Variants in INTS12 observed in about 807,000 individuals in gnomAD.
INTS12 encodes PHD finger protein 22.
A neutral mutation model predicts 41.6 loss-of-function variants in INTS12; 13 were observed. That is an observed-to-expected ratio of 0.31 (90% CI 0.20 to 0.50). The LOEUF is 0.50. Ranked by LOEUF, INTS12 falls within the 20% of genes least tolerant of loss-of-function variation. The pLI is 0.98. For synonymous variants in INTS12, 199 were observed against 191.4 expected (o/e 1.04, Z -0.33); for missense variants, 432 against 541.6 (o/e 0.80, Z 2.01).
intron 6 of INTS12, among the ~76,000 whole-genome samples, chr4:105,690,135 A>G (rs1449028988): frequency 6.6e-6 from 1 of 152,246 alleles, no homozygotes. Context: ...CCACATATTC[A>G]GGGAATGACA....
chr4:105,703,551 C>G (rs1732158799), intron 2 of INTS12, 97 bp downstream of exon 2: 2 of 152,312 alleles, frequency 1.3e-5, no homozygotes, highest in South Asian at 2.1e-4. Flanking sequence ...CACCCGAAAG[C>G]CCTGTAGTTT....
intron 6 of INTS12, among the ~76,000 whole-genome samples, chr4:105,691,752 A>G (rs1209774586): frequency 1.3e-5 from 2 of 152,218 alleles, no homozygotes; most frequent in African/African-American, 2.4e-5. Context: ...TGTTTTATCT[A>G]TATTAGAATT....
intron 3 of INTS12, 53 bp downstream of exon 3, chr4:105,699,797 T>C: frequency 1.6e-6 from 2 of 1,242,928 alleles, no homozygotes. Context: ...GTTATCAATG[T>C]AGTACTACAG....
intron 1 of INTS12, chr4:105,708,278 C>G (rs772485782): frequency 2.0e-6 from 2 of 985,430 alleles, no homozygotes; most frequent in Non-Finnish European, 1.2e-6. Flanking sequence ...ACATCGAAGT[C>G]CTAGAATGGG....
At chr4:105,707,348 C>T (rs1213203412) in intron 1 of INTS12, among the ~76,000 whole-genome samples, 8 of 149,584 alleles carry the variant, frequency 5.3e-5, no homozygotes, top group Non-Finnish European at 1.2e-4. Context: ...AGTGTTATGT[C>T]CCCTACAAAA....
chr4:105,702,848 A>G, intron 2 of INTS12: 1 of 962,720 alleles, frequency 1.0e-6, no homozygotes, highest in Non-Finnish European at 1.2e-6. Context: ...ACTTATGGTT[A>G]TGTGGTTTAT....
At chr4:105,686,924 A>C in intron 6 of INTS12, 86 bp from the exon 7 acceptor site, 1 of 1,154,090 alleles carries the variant, frequency 8.7e-7, no homozygotes, top group Non-Finnish European at 1.3e-6. Context: ...CTCATCACTG[A>C]AATGAAATAC....
Position 105,695,546 on chromosome 4 carries a change from C to G in INTS12, c.279G>C (p.Lys93Asn). Residue 93 changes from lysine (K) to asparagine (N), a missense_variant, in exon 4 of 8, where the codon AAG becomes AAC. By Grantham distance (94) the Lys-to-Asn change is moderately conservative. This residue lies in a region of INTS12 where 168 missense variants were observed against 198.9 expected (regional missense o/e 0.84). Transcript: ENST00000340139. ...CAGCAGGTCTCTTTTCAGCTTCCTTCTTTACCTTTTCAGTTGTGAGGACCT... is the reference window on the plus strand; with the variant it reads ...CAGCAGGTCTCTTTTCAGCTTCCTTGTTTACCTTTTCAGTTGTGAGGACCT... ...NGKVLTTEKV[K>N]KEAEKRPADK... 1 of 1,610,502 alleles carries G rather than the reference C, an allele frequency of 6.2e-7. No individual in the cohort carries two copies. The highest frequency in any genetic ancestry group is 8.5e-7 in the Non-Finnish European group (1 of 1,179,098).
At position 105,683,257 on chromosome 4, in the gene INTS12, C is replaced by T. The variant is rs766618674; in HGVS notation, c.865G>A (p.Gly289Ser). Reference protein sequence around the residue: ...SASVSSSVTSGLTGWAAFAAK... With the variant: ...SASVSSSVTSSLTGWAAFAAK... ...GCAAAAGCTGCCCATCCAGTTAAGC[C>T]ACTAGTTACTGACGAGGAAACGCTG... Residue 289 changes from glycine to serine, a missense_variant, in exon 8 of 8, where the codon GGC (glycine) becomes AGC (serine). Around this residue, in one of 3 missense-constraint regions of INTS12, gnomAD observed 258 missense variants for 309.9 expected, o/e 0.83. Coordinates refer to ENST00000340139, the MANE Select transcript of INTS12 (RefSeq NM_020395.4). 2 of 1,613,974 alleles carry T rather than the reference C, an allele frequency of 1.2e-6. No homozygotes were observed. The highest frequency in any genetic ancestry group is 1.6e-4 in the Middle Eastern group (1 of 6,062).
At chr4:105,697,267 C>T (rs1731899142) in intron 3 of INTS12, among the ~76,000 whole-genome samples, 1 of 152,098 alleles carries the variant, frequency 6.6e-6, no homozygotes, top group South Asian at 2.1e-4. Context: ...CTTGGAATTC[C>T]CCCTCCCCCA....
chr4:105,704,824 T>C (rs1355824192), intron 1 of INTS12, among the ~76,000 whole-genome samples: 1 of 152,128 alleles, frequency 6.6e-6, no homozygotes, highest in Non-Finnish European at 1.5e-5. Flanking sequence ...CCACCCCCAA[T>C]TCAATAACCA....
chr4:105,687,875 C>T (rs1251744897), intron 6 of INTS12, among the ~76,000 whole-genome samples: 1 of 152,106 alleles, frequency 6.6e-6, no homozygotes, highest in Non-Finnish European at 1.5e-5. Context: ...ATTGCTTGAA[C>T]CCATTAGGTG....
chr4:105,698,527 C>T (rs1216681235), intron 3 of INTS12, among the ~76,000 whole-genome samples: 1 of 151,504 alleles, frequency 6.6e-6, no homozygotes, highest in Non-Finnish European at 1.5e-5. Flanking sequence ...AAGAGATAAA[C>T]TTCCATTTTA....
rs147917525 is a variant in INTS12 at position 105,703,761 on chromosome 4, C to T, written c.-123G>A. 2.0e-5 allele frequency: 3 copies of T among 152,340 alleles called. No homozygotes were observed. Among genetic ancestry groups the T allele is most frequent in the African/African-American group, 4.8e-5 (2 of 41,578 alleles). 9.4% of individuals were successfully genotyped at this position (152,340 alleles called of 1,614,324 possible). On this transcript the variant is annotated 5_prime_UTR_variant, in exon 2 of 8. Transcript: ENST00000340139. ...CTTTCTGCAAAGATCAGTTATACTT[C>T]CTCCATTTTCTTTTAAAATTGCTTC...
At chr4:105,702,238 C>A (rs1284717991) in intron 2 of INTS12, among the ~76,000 whole-genome samples, 3 of 146,800 alleles carry the variant, frequency 2.0e-5, no homozygotes, top group African/African-American at 7.7e-5. Context: ...CGGGTTCATG[C>A]CATTCTCCTG....
At chr4:105,696,121 G>C (rs1269174683) in intron 3 of INTS12, among the ~76,000 whole-genome samples, 1 of 152,166 alleles carries the variant, frequency 6.6e-6, no homozygotes, top group Non-Finnish European at 1.5e-5. Context: ...AAAGTGCTGG[G>C]ATTAAAGACG....
chr4:105,694,270 T>C (rs1300875212), intron 4 of INTS12, among the ~76,000 whole-genome samples: 1 of 152,072 alleles, frequency 6.6e-6, no homozygotes, highest in East Asian at 1.9e-4. Flanking sequence ...CAAAAGCACA[T>C]AGTTGAGTGG....
At chr4:105,701,165 C>T (rs537433144) in intron 2 of INTS12, among the ~76,000 whole-genome samples, 282 of 151,752 alleles carry the variant, frequency 1.9e-3, no homozygotes, top group Non-Finnish European at 2.9e-3. Context: ...TTTGTTGTCC[C>T]CTCCCCTCCA....
Position 105,686,773 on chromosome 4 carries a change from G to T in INTS12, c.723C>A (p.Val241=). 6.2e-7 allele frequency: 1 copy of T among 1,613,678 alleles called. No individual in the cohort carries two copies. Residue 241 remains valine (V), a synonymous_variant, in exon 7 of 8, where the codon GTC becomes GTA. Transcript: ENST00000340139. ...APAVVSVTPA[V]KDPLVKKPET... ...CTGGTTTCTTAACCAATGGATCTTTGACAGCTGGAGTTACAGAAACAACTG... is the reference window on the plus strand; with the variant it reads ...CTGGTTTCTTAACCAATGGATCTTTTACAGCTGGAGTTACAGAAACAACTG...
Sources: gnomAD v4.1 joint callset for allele counts (sites outside exome capture counted in the v4.1 genomes callset) on GRCh38, gnomAD v4.1.1 for gene constraint, gnomAD v4.1.1 regional missense constraint, MANE v1.5 for transcripts, NCBI Gene and HGNC (gene_info 2026-07-23, HGNC 2026-07-21) for gene names.